Variants in CDH18 observed in about 807,000 individuals in gnomAD.
CDH18 encodes the protein cadherin-18.
Under a neutral mutation model 67.9 loss-of-function variants are expected in CDH18, and 31 were observed. The ratio of observed to expected loss-of-function variants is 0.46; its 90% CI spans 0.34 to 0.62. The LOEUF (loss-of-function observed/expected upper bound fraction) is 0.62, where lower values mean the gene tolerates loss of function less well. CDH18 is among the 20% of genes least tolerant of loss of function. The pLI is 0.01. For missense variants in CDH18, 890 were observed against 975.5 expected (o/e 0.91, Z 1.17); for synonymous variants, 362 against 347.2 (o/e 1.04, Z -0.48).
chr5:19,556,413 A>G (rs964922480), intron 8 of CDH18, among the ~76,000 whole-genome samples: 1 of 152,196 alleles, frequency 6.6e-6, no homozygotes, highest in Non-Finnish European at 1.5e-5. Context: ...CAGTGAATAG[A>G]CGGCATAAAT....
intron 5 of CDH18, among the ~76,000 whole-genome samples, chr5:19,677,016 C>T (rs1205828620): frequency 6.6e-6 from 1 of 151,966 alleles, no homozygotes; most frequent in Non-Finnish European, 1.5e-5. Context: ...TCTGAGGAGG[C>T]AAGAATTGAG....
chr5:20,198,781 G>A (rs2126744041), intron 2 of CDH18, among the ~76,000 whole-genome samples: 1 of 152,278 alleles, frequency 6.6e-6, no homozygotes, highest in South Asian at 2.1e-4. Context: ...GCCTGGCCCA[G>A]GGCCCGCCTG....
At chr5:19,855,232 A>T (rs75909146) in intron 2 of CDH18, among the ~76,000 whole-genome samples, 143 of 152,158 alleles carry the variant, frequency 9.4e-4, no homozygotes, top group East Asian at 4.3e-3. Context: ...TGTTTATAAG[A>T]AGATGATTTA....
At chr5:19,603,205 A>G (rs1223225518) in intron 6 of CDH18, among the ~76,000 whole-genome samples, 2 of 152,140 alleles carry the variant, frequency 1.3e-5, no homozygotes, top group East Asian at 1.9e-4. Flanking sequence ...AATTTGATAC[A>G]TCTTACAGCC....
intron 2 of CDH18, among the ~76,000 whole-genome samples, chr5:20,227,436 A>T (rs907091080): frequency 6.6e-6 from 1 of 152,118 alleles, no homozygotes; most frequent in Admixed American, 6.6e-5. Context: ...TCATAAACAC[A>T]CAAAGATTCA....
chr5:19,744,363 A>C (rs1426027944), intron 4 of CDH18, among the ~76,000 whole-genome samples: 1 of 152,102 alleles, frequency 6.6e-6, no homozygotes, highest in Admixed American at 6.5e-5. Context: ...CCAAACCCCA[A>C]ATGAGGACTT....
At chr5:19,507,084 A>G (rs1473034793) in intron 10 of CDH18, among the ~76,000 whole-genome samples, 1 of 152,218 alleles carries the variant, frequency 6.6e-6, no homozygotes, top group Non-Finnish European at 1.5e-5. Context: ...CCCATCAAAA[A>G]GTGGGCAAAG....
intron 1 of CDH18, among the ~76,000 whole-genome samples, chr5:20,495,614 C>T (rs530440253): frequency 3.3e-5 from 5 of 152,056 alleles, no homozygotes; most frequent in South Asian, 2.1e-4. Context: ...AAACAGGAAG[C>T]GGAAATGTCA....
chr5:20,386,172 G>A (rs1744296638), intron 1 of CDH18, among the ~76,000 whole-genome samples: 2 of 152,160 alleles, frequency 1.3e-5, no homozygotes. Flanking sequence ...AGAGAGCATA[G>A]GTTGGTCTAT....
At chr5:19,556,972 G>T (rs949537717) in intron 8 of CDH18, among the ~76,000 whole-genome samples, 4 of 151,800 alleles carry the variant, frequency 2.6e-5, no homozygotes, top group Non-Finnish European at 5.9e-5. Flanking sequence ...AGAAATTGAG[G>T]TCCTATCATT....
chr5:19,556,456 C>T (rs1378372682), intron 8 of CDH18, among the ~76,000 whole-genome samples: 1 of 152,006 alleles, frequency 6.6e-6, no homozygotes, highest in Admixed American at 6.6e-5. Context: ...AAATCAATGA[C>T]ATACTTAGGG....
rs1737707105 is a variant in CDH18 at position 19,472,205 on chromosome 5, T to C, written c.*1021A>G. ...TTCATTGGAGGATAGTCTTTCAGAC[T>C]ACATTGTTATTGTGTGAGGTACTTA... On this transcript the variant is annotated 3_prime_UTR_variant, in exon 13 of 13. Coordinates refer to ENST00000382275, the MANE Select transcript of CDH18 (RefSeq NM_004934.5). Among the ~76,000 whole-genome samples the C allele has an allele frequency of 6.6e-6, 1 of 152,188 alleles. No individual in the cohort carries two copies. The highest frequency in any genetic ancestry group is 2.1e-4 in the South Asian group (1 of 4,834).
chr5:20,406,682 A>T (rs1390218384), intron 1 of CDH18, among the ~76,000 whole-genome samples: 5 of 152,196 alleles, frequency 3.3e-5, no homozygotes, highest in Non-Finnish European at 7.3e-5. Flanking sequence ...TATTAATGTT[A>T]TGTAGACATG....
At chr5:19,838,510 C>T (rs1781921881) in intron 3 of CDH18, among the ~76,000 whole-genome samples, 1 of 152,096 alleles carries the variant, frequency 6.6e-6, no homozygotes. Context: ...AAGTAATATG[C>T]TTGTTATGAA....
intron 2 of CDH18, among the ~76,000 whole-genome samples, chr5:20,000,039 C>A (rs559432553): frequency 5.9e-5 from 9 of 152,102 alleles, no homozygotes; most frequent in Non-Finnish European, 1.0e-4. Flanking sequence ...GGAGTGCTGA[C>A]CTTTCATATC....
chr5:20,070,578 A>G (rs1351284951), intron 2 of CDH18, among the ~76,000 whole-genome samples: 2 of 152,178 alleles, frequency 1.3e-5, no homozygotes, highest in Middle Eastern at 3.2e-3. Context: ...ATGGGGTGCT[A>G]TTGCCAAATT....
chr5:19,559,422 A>G (rs1739031778), intron 8 of CDH18, among the ~76,000 whole-genome samples: 1 of 151,462 alleles, frequency 6.6e-6, no homozygotes, highest in Admixed American at 6.6e-5. Context: ...AAAAATAAAA[A>G]TCACATGATT....
At chr5:19,555,808 C>T (rs1843722) in intron 8 of CDH18, among the ~76,000 whole-genome samples, 86,692 of 151,872 alleles carry the variant, frequency 0.57, 25,718 homozygotes, top group Middle Eastern at 0.71. Flanking sequence ...TGGCTGGAGG[C>T]CAACCAACAC....
chr5:19,482,598 T>C (rs1739650398), intron 12 of CDH18, among the ~76,000 whole-genome samples: 1 of 152,114 alleles, frequency 6.6e-6, no homozygotes, highest in Non-Finnish European at 1.5e-5. Flanking sequence ...ATTCGTTTTG[T>C]TTTATGGTTT....
Sources: gnomAD v4.1 joint callset for allele counts (sites outside exome capture counted in the v4.1 genomes callset) on GRCh38, gnomAD v4.1.1 for gene constraint, MANE v1.5 for transcripts, NCBI Gene and HGNC (gene_info 2026-07-23, HGNC 2026-07-21) for gene names.